The following PDLIM3 variants were observed in gnomAD, a reference collection of about 807,000 sequenced individuals.
The protein encoded by PDLIM3 is PDZ and LIM domain protein 3.
Under a neutral mutation model 37.3 loss-of-function variants are expected in PDLIM3, and 36 were observed. That is an observed-to-expected ratio of 0.97 (90% CI 0.74 to 1.28). The LOEUF (loss-of-function observed/expected upper bound fraction) is 1.28, where lower values mean the gene tolerates loss of function less well. Among genes scored for constraint, PDLIM3 ranks in the 50% most tolerant of loss-of-function variants. PDLIM3 has a pLI of 0.00. For synonymous variants in PDLIM3, 174 were observed against 182.4 expected (o/e 0.95, Z 0.37); for missense variants, 454 against 485.0 (o/e 0.94, Z 0.60).
At chr4:185,509,611 CAT>C (rs1468095764) in intron 4 of PDLIM3, among the ~76,000 whole-genome samples, 3 of 152,200 alleles carry the variant, frequency 2.0e-5, no homozygotes, top group South Asian at 2.1e-4. Context: ...GTAAAAAAAG[CAT>C]AGTCATTTAA....
intron 4 of PDLIM3, chr4:185,513,818 A>T: frequency 2.8e-6 from 3 of 1,061,598 alleles, no homozygotes; most frequent in Non-Finnish European, 3.4e-6. Flanking sequence ...TCTGAAGATG[A>T]TCAGTTTCTC....
chr4:185,507,562 A>G (rs188499833), intron 5 of PDLIM3, among the ~76,000 whole-genome samples: 1 of 152,298 alleles, frequency 6.6e-6, no homozygotes, highest in Admixed American at 6.5e-5. Flanking sequence ...ACTATTTAAC[A>G]CTCTGAAGCA....
At position 185,529,005 on chromosome 4, in the gene PDLIM3, G is replaced by GAA. The variant is rs1358234752; in HGVS notation, c.94-3835_94-3834insTT. 1.3e-5 allele frequency among the ~76,000 whole-genome samples: 2 copies of GAA among 152,196 alleles called. 1 individual carries two copies. Among genetic ancestry groups the GAA allele is most frequent in the Non-Finnish European group, 2.9e-5 (2 of 68,038 alleles). On this transcript the variant is annotated intron_variant, in intron 1 of 7. Transcript: ENST00000284767. ...ATTACTGTTTTCCCAAATTAGAAGA[G>GAA]AGAGCTGAAATGAGGCATAGTGTTT... is the stretch of plus-strand genomic sequence containing the variant.
At position 185,514,608 on chromosome 4, in the gene PDLIM3, A is replaced by G. The variant is rs778075138; in HGVS notation, c.331-271T>C. On this transcript the variant is annotated intron_variant, in intron 3 of 7. Transcript: ENST00000284767. This position sits in a 1 kb window ranked among gnomAD's most constrained non-coding sequence, Gnocchi z 4.0. ...AATCTGATAGTGCCTTCAGGAAAGT[A>G]AAAATAAAACAGCAAGAGCTGGACT... is the stretch of plus-strand genomic sequence containing the variant. 2.7e-4 allele frequency: 364 copies of G among 1,346,736 alleles called. 1 individual carries two copies. In the East Asian group the frequency reaches 7.8e-3, roughly 29 times the overall value. The allele number at this position is 1,346,736 out of a possible 1,614,324, so 83.4% of individuals were successfully genotyped here. A position where few individuals can be genotyped will look rare whatever the true frequency, so the allele number is the denominator to read the frequency against.
chr4:185,519,582 C>T (rs58936932), intron 3 of PDLIM3, among the ~76,000 whole-genome samples: 18,086 of 152,170 alleles, frequency 0.12, 3,622 homozygotes, highest in African/African-American at 0.41. Flanking sequence ...CCACCATGCC[C>T]GGCCACATTT....
chr4:185,505,842 G>A (rs2095695925), intron 6 of PDLIM3, among the ~76,000 whole-genome samples: 1 of 152,106 alleles, frequency 6.6e-6, no homozygotes, highest in Non-Finnish European at 1.5e-5. Context: ...TATTCTCCAT[G>A]TCTGCCACAA....
chr4:185,511,132 C>G (rs2095705860), intron 4 of PDLIM3, among the ~76,000 whole-genome samples: 1 of 152,194 alleles, frequency 6.6e-6, no homozygotes, highest in African/African-American at 2.4e-5. Context: ...GGGCATACTT[C>G]CGGAAGCAAC....
chr4:185,509,612 A>G (rs757821266), intron 4 of PDLIM3, among the ~76,000 whole-genome samples: 3 of 152,362 alleles, frequency 2.0e-5, no homozygotes, highest in Middle Eastern at 3.4e-3. Flanking sequence ...TAAAAAAAGC[A>G]TAGTCATTTA....
chr4:185,507,235 T>C (rs1561191658), intron 5 of PDLIM3: 1 of 152,902 alleles, frequency 6.5e-6, no homozygotes, highest in African/African-American at 2.4e-5. Flanking sequence ...AAGCCTGTAA[T>C]GTAGAAACTT....
chr4:185,502,101 G>C lies in PDLIM3; in HGVS notation c.*193C>G, dbSNP rs1402006846. On this transcript the variant is annotated 3_prime_UTR_variant, in exon 8 of 8. Transcript: ENST00000284767. ...AAAGAGTTGCAAAACATAGCTAAGTGTATGTTTTTTTCACATAGCAGGCAT... is the reference window on the plus strand; with the variant it reads ...AAAGAGTTGCAAAACATAGCTAAGTCTATGTTTTTTTCACATAGCAGGCAT... 3.1e-6 allele frequency: 2 copies of C among 641,078 alleles called. No homozygotes were observed. Among genetic ancestry groups the C allele is most frequent in the African/African-American group, 3.7e-5 (2 of 54,168 alleles). 39.7% of individuals were successfully genotyped at this position (641,078 alleles called of 1,614,324 possible).
In PDLIM3 at chr4:185,528,671, T is replaced by C. The variant is rs116614166; in HGVS notation, c.94-3500A>G. On this transcript the variant is annotated intron_variant, in intron 1 of 7. Transcript: ENST00000284767. ...GAAGTCAGCTAGGACAGGTGGTTGA[T>C]AGTGATGGCCAGATCCCACTTCTCA... Among the ~76,000 whole-genome samples the C allele has an allele frequency of 5.9e-3, 899 of 152,322 alleles. 15 individuals carry two copies. The highest frequency in any genetic ancestry group is 0.02 in the African/African-American group (833 of 41,580).
chr4:185,506,422 G>C (rs956583750), intron 6 of PDLIM3, 100 bp downstream of exon 6: 15 of 1,512,330 alleles, frequency 9.9e-6, no homozygotes, highest in Admixed American at 6.7e-5. Flanking sequence ...TGAAAACCAA[G>C]TTTTAGACTT....
chr4:185,514,149 GA>G lies in PDLIM3; in HGVS notation c.398+120del. On this transcript the variant is annotated intron_variant, in intron 4 of 7. Transcript: ENST00000284767. The surrounding 1 kb of genome is among the most constrained non-coding windows in gnomAD (Gnocchi z 4.0). ...AGTGAGTTTGTTTCTTTTTGCTTTT[GA>G]AATAAGCTTCGCAATGAGAAAAGCC... 6.3e-7 allele frequency: 1 copy of G among 1,577,958 alleles called. No homozygotes were observed. Among genetic ancestry groups the G allele is most frequent in the Non-Finnish European group, 8.6e-7 (1 of 1,161,390 alleles).
At chr4:185,513,569 T>TC in intron 4 of PDLIM3, 1 of 985,078 alleles carries the variant, frequency 1.0e-6, no homozygotes, top group Non-Finnish European at 1.2e-6. Flanking sequence ...GTGAAATAAA[T>TC]CCACCTATGG....
Position 185,504,470 on chromosome 4 carries a change from C to T in PDLIM3, c.905+5G>A, listed in dbSNP as rs1471696343. 6.2e-7 allele frequency: 1 copy of T among 1,605,482 alleles called. No individual in the cohort carries two copies. Among genetic ancestry groups the T allele is most frequent in the Non-Finnish European group, 8.5e-7 (1 of 1,172,152 alleles). The stretch of plus-strand genomic sequence containing the variant: ...GTAAATTCCAGGGTTAAAAGTGAAA[C>T]TTACACTATGCCACTCCCACATTTG... On this transcript the variant is annotated splice_donor_5th_base_variant and intron_variant, in intron 7 of 7. Coordinates refer to ENST00000284767, the MANE Select transcript of PDLIM3 (RefSeq NM_014476.6). This position sits in a 1 kb window ranked among gnomAD's most constrained non-coding sequence, Gnocchi z 4.7.
chr4:185,526,115 G>A (rs1037941681), intron 1 of PDLIM3, among the ~76,000 whole-genome samples: 5 of 152,226 alleles, frequency 3.3e-5, no homozygotes, highest in African/African-American at 1.2e-4. Context: ...AGGCTCACCT[G>A]CATGGAGCAG....
In PDLIM3 at chr4:185,521,207, A is replaced by G. The variant is rs577313202; in HGVS notation, c.330+2155T>C. On this transcript the variant is annotated intron_variant, in intron 3 of 7. Transcript: ENST00000284767. ...CTTTTTTCTTCCACTATTTTCTTCT[A>G]GCAAAGAAAATGTTGACTAGAGGTG... Among the ~76,000 whole-genome samples the G allele has an allele frequency of 7.6e-5, 5 of 65,496 alleles. 1 individual carries two copies. The highest frequency in any genetic ancestry group is 1.4e-4 in the African/African-American group (5 of 36,094). 43.0% of individuals were successfully genotyped at this position (65,496 alleles called of 152,430 possible).
At chr4:185,516,450 T>C (rs1006713502) in intron 3 of PDLIM3, 1 of 152,132 alleles carries the variant, frequency 6.6e-6, no homozygotes, top group African/African-American at 2.4e-5. Context: ...TGCTTTTCTG[T>C]TAGAAAACAG....
At chr4:185,526,251 A>C (rs2095733923) in intron 1 of PDLIM3, among the ~76,000 whole-genome samples, 1 of 152,240 alleles carries the variant, frequency 6.6e-6, no homozygotes, top group Non-Finnish European at 1.5e-5. Flanking sequence ...ACCAGAGACA[A>C]AGGAAGTTTG....
Sources: allele counts gnomAD v4.1 joint callset (sites outside exome capture counted in the v4.1 genomes callset), GRCh38; gene constraint gnomAD v4.1.1; non-coding constraint Gnocchi (gnomAD v3.1); transcripts MANE v1.5; gene names NCBI Gene and HGNC (gene_info 2026-07-23, HGNC 2026-07-21).